Variants in CFAP47 observed in about 807,000 individuals in gnomAD.
The protein encoded by CFAP47 is cilia and flagella associated protein 47, also known as cilia- and flagella-associated protein 47.
In CFAP47, 29 loss-of-function variants were observed where a neutral mutation model predicts 148.1. The ratio of observed to expected loss-of-function variants is 0.20; its 90% CI spans 0.15 to 0.27. CFAP47 has a LOEUF of 0.27. Ranked by LOEUF, CFAP47 falls within the 10% of genes least tolerant of loss-of-function variation. The pLI, the probability that CFAP47 is intolerant of heterozygous loss-of-function variation, is 1.00. For missense variants in CFAP47, 1,872 were observed against 1,697.5 expected, an observed-to-expected ratio of 1.10 and a Z score of -1.81; for synonymous variants, 664 against 577.3, an observed-to-expected ratio of 1.15 and a Z score of -2.15.
chrX:36,228,793 C>G lies in CFAP47; in HGVS notation c.6983C>G (p.Ala2328Gly), dbSNP rs189435285. 1.9e-6 allele frequency: 1 copy of G among 524,541 alleles called. No individual in the cohort carries two copies. Among genetic ancestry groups the G allele is most frequent in the East Asian group, 3.6e-5 (1 of 27,656 alleles). 43.2% of individuals were successfully genotyped at this position (524,541 alleles called of 1,213,427 possible). A position where few individuals can be genotyped will look rare whatever the true frequency, so the allele number is the denominator to read the frequency against. ...GCCAAATTTGAGTTTGAAACACCAG[C>G]ATTTGAAGCCCTTACTCAGAATATT... ...PEAKFEFETP[A>G]FEALTQNIPI... Residue 2328 changes from alanine to glycine, a missense_variant, in exon 46 of 64, where the codon GCA (alanine) becomes GGA (glycine). Coordinates refer to ENST00000378653, the MANE Select transcript of CFAP47 (RefSeq NM_001304548.2).
intron 51 of CFAP47, among the ~76,000 whole-genome samples, chrX:36,289,290 C>T (rs1460326715): frequency 9.0e-6 from 1 of 110,599 alleles, no homozygotes; most frequent in Non-Finnish European, 1.9e-5. Context: ...AAGCGTGAGC[C>T]ACCGCACCCG....
In CFAP47 at chrX:36,071,830, G is replaced by A; in HGVS notation, c.4324G>A (p.Asp1442Asn). ...KQNIILKNDK[D>N]EYLKKTRDGV... is the part of the protein sequence containing the mutation. ...ATCCAATGTGTCATTTGTAGATAAG[G>A]ATGAATATCTTAAGAAGACTAGAGA... is the stretch of plus-strand genomic sequence containing the variant. Residue 1442 changes from aspartate to asparagine, a missense_variant, in exon 28 of 64, where the codon GAT becomes AAT. Asp to Asn is a conservative substitution (Grantham distance 23). Transcript: ENST00000378653. The A allele has an allele frequency of 1.7e-6, 2 of 1,204,916 alleles. No individual in the cohort carries two copies. Among genetic ancestry groups the A allele is most frequent in the Non-Finnish European group, 2.2e-6 (2 of 892,322 alleles).
At chrX:36,261,471 C>T (rs1429494988) in intron 49 of CFAP47, among the ~76,000 whole-genome samples, 8 of 103,366 alleles carry the variant, frequency 7.7e-5, no homozygotes, top group African/African-American at 2.9e-4. Flanking sequence ...GAGGACCCTG[C>T]GGCCTTCCTC....
intron 21 of CFAP47, among the ~76,000 whole-genome samples, chrX:36,012,465 C>T (rs1311775143): frequency 8.9e-6 from 1 of 112,077 alleles, no homozygotes; most frequent in Non-Finnish European, 1.9e-5. Context: ...CACATATACA[C>T]CATGGAATAC....
chrX:36,087,294 A>G (rs1348713209), intron 30 of CFAP47, among the ~76,000 whole-genome samples: 1 of 112,440 alleles, frequency 8.9e-6, no homozygotes, highest in Non-Finnish European at 1.9e-5. Context: ...CAATGAGTCT[A>G]CCTTTTCTCA....
At position 36,038,916 on chromosome X, in the gene CFAP47, T is replaced by A. The variant is rs963262348; in HGVS notation, c.3812-68T>A. 6 of 501,361 alleles carry A rather than the reference T, an allele frequency of 1.2e-5. No individual in the cohort carries two copies. In the African/African-American group the frequency reaches 1.5e-4, roughly 12 times the overall value. The allele number at this position is 501,361 out of a possible 1,213,427, so 41.3% of individuals were successfully genotyped here. On this transcript the variant is annotated intron_variant, in intron 24 of 63. Coordinates refer to ENST00000378653, the MANE Select transcript of CFAP47 (RefSeq NM_001304548.2). Reference sequence around the variant, plus strand: ...CGTACATTTTGAAATTTAGTAATAGTTCAGCTATGTAAATTTTTTGTGTGT... The same window carrying A: ...CGTACATTTTGAAATTTAGTAATAGATCAGCTATGTAAATTTTTTGTGTGT...
chrX:36,299,184 G>T, intron 52 of CFAP47, 32 bp downstream of exon 52: 1 of 874,357 alleles, frequency 1.1e-6, no homozygotes, highest in East Asian at 3.9e-5. Flanking sequence ...ATATTTCATT[G>T]TTGATCCTTA....
chrX:36,235,927 G>T lies in CFAP47; in HGVS notation c.7015-7G>T, dbSNP rs1555994471. The T allele has an allele frequency of 2.1e-6, 1 of 472,430 alleles. No individual in the cohort carries two copies. Among genetic ancestry groups the T allele is most frequent in the East Asian group, 3.8e-5 (1 of 26,071 alleles). The allele number at this position is 472,430 out of a possible 1,213,427, so 38.9% of individuals were successfully genotyped here. A position where few individuals can be genotyped will look rare whatever the true frequency, so the allele number is the denominator to read the frequency against. On this transcript the variant is annotated splice_region_variant and splice_polypyrimidine_tract_variant and intron_variant, in intron 46 of 63. Transcript: ENST00000378653. ...TCTGATATTTCTGTACCTTTTTCAT[G>T]CTTTAGAAAAATCAAACAAACGATA...
rs186741427 is a variant in CFAP47, at chrX:36,299,081, C to T, written c.7791C>T (p.Ile2597=). 9.7e-6 allele frequency: 11 copies of T among 1,139,121 alleles called. No homozygotes were observed. The African/African-American group carries it at 1.8e-4, about 19-fold the overall frequency. 93.9% of individuals were successfully genotyped at this position (1,139,121 alleles called of 1,213,427 possible). ...SAALNGDNEI[I]LSPLQCTKYI... is the part of the protein sequence containing the mutation. ...CCCTTAATGGGGATAATGAAATTAT[C>T]CTGAGTCCACTACAGTGCACCAAAT... Residue 2597 remains isoleucine (I), a synonymous_variant, in exon 52 of 64, where the codon ATC becomes ATT. Transcript: ENST00000378653.
At chrX:36,284,594 A>G (rs1243723788) in intron 50 of CFAP47, among the ~76,000 whole-genome samples, 1 of 111,549 alleles carries the variant, frequency 9.0e-6, no homozygotes, top group Non-Finnish European at 1.9e-5. Context: ...GATGCTATTC[A>G]CTGTCATACA....
At chrX:35,932,209 T>G (rs1935837993) in intron 2 of CFAP47, among the ~76,000 whole-genome samples, 1 of 108,981 alleles carries the variant, frequency 9.2e-6, no homozygotes, top group Non-Finnish European at 1.9e-5. Flanking sequence ...CCACCAAGCC[T>G]GGCTAATTTT....
intron 46 of CFAP47, among the ~76,000 whole-genome samples, chrX:36,229,465 T>C (rs1378995537): frequency 9.0e-6 from 1 of 111,277 alleles, no homozygotes; most frequent in Non-Finnish European, 1.9e-5. Flanking sequence ...ATCTTAATGG[T>C]AATTAGTAAG....
chrX:36,006,840 T>C (rs964739159), intron 21 of CFAP47, among the ~76,000 whole-genome samples: 1 of 112,306 alleles, frequency 8.9e-6, no homozygotes, highest in African/African-American at 3.2e-5. Flanking sequence ...AGTCAGTACC[T>C]ACATATGGCT....
chrX:35,975,562 C>T (rs1936557285), intron 14 of CFAP47, 110 bp from the exon 15 acceptor site: 2 of 815,508 alleles, frequency 2.5e-6, no homozygotes, highest in Non-Finnish European at 1.8e-6. Flanking sequence ...GTATTACGTG[C>T]TAAGAATTGT....
chrX:36,315,689 A>G (rs1352623239), intron 56 of CFAP47, among the ~76,000 whole-genome samples: 1 of 111,705 alleles, frequency 9.0e-6, no homozygotes, highest in Non-Finnish European at 1.9e-5. Context: ...TCCTCAACCT[A>G]TGGATGACAG....
chrX:36,278,233 G>A (rs1941039103), intron 49 of CFAP47, among the ~76,000 whole-genome samples: 1 of 111,917 alleles, frequency 8.9e-6, no homozygotes, highest in South Asian at 3.7e-4. Context: ...GTTGAGCTGC[G>A]GTGGGCTCCA....
At chrX:36,234,163 C>T (rs1362275094) in intron 46 of CFAP47, among the ~76,000 whole-genome samples, 9 of 109,174 alleles carry the variant, frequency 8.2e-5, no homozygotes. Context: ...TGTTGGCCTG[C>T]CTTGCTAGAT....
At chrX:36,235,669 G>A (rs1031158928) in intron 46 of CFAP47, among the ~76,000 whole-genome samples, 5 of 112,144 alleles carry the variant, frequency 4.5e-5, no homozygotes, top group Admixed American at 1.9e-4. Context: ...AGATGAACCC[G>A]GTACCTCAGA....
At chrX:36,182,865 G>A (rs748220530) in intron 40 of CFAP47, among the ~76,000 whole-genome samples, 2 of 112,743 alleles carry the variant, frequency 1.8e-5, no homozygotes, top group South Asian at 7.3e-4. Context: ...CTCCACCAAT[G>A]TGGAATTTAT....
Sources: allele counts gnomAD v4.1 joint callset (sites outside exome capture counted in the v4.1 genomes callset), GRCh38; gene constraint gnomAD v4.1.1; transcripts MANE v1.5; gene names NCBI Gene and HGNC (gene_info 2026-07-23, HGNC 2026-07-21).